The following ZRANB3 variants were observed in gnomAD, a reference collection of about 807,000 sequenced individuals.
The protein encoded by ZRANB3 is zinc finger RANBP2-type containing 3.
In ZRANB3, 125 loss-of-function variants were observed where a neutral mutation model predicts 133.8. The observed-to-expected ratio is 0.93, with a 90% CI of 0.81 to 1.08. The LOEUF (loss-of-function observed/expected upper bound fraction) is 1.08, where lower values mean the gene tolerates loss of function less well. Among genes scored for constraint, ZRANB3 ranks in the 50% least tolerant of loss-of-function variants. The probability of loss-of-function intolerance (pLI) is 0.00; values close to 1 mark genes in which losing one functional copy is unlikely to be tolerated. For synonymous variants in ZRANB3, 387 were observed against 432.7 expected (o/e 0.89, Z 1.31); for missense variants, 1,229 against 1,275.5 (o/e 0.96, Z 0.56).
chr2:135,381,346 G>T (rs554257415), intron 3 of ZRANB3, among the ~76,000 whole-genome samples: 27 of 152,158 alleles, frequency 1.8e-4, no homozygotes, highest in African/African-American at 5.6e-4. Context: ...TAAACAAAGC[G>T]GCCTGGAAGC....
intron 2 of ZRANB3, among the ~76,000 whole-genome samples, chr2:135,440,317 T>C (rs1382051597): frequency 1.3e-5 from 2 of 152,012 alleles, no homozygotes; most frequent in Non-Finnish European, 2.9e-5. Flanking sequence ...GAGAATCACT[T>C]GAACCCAGGA....
chr2:135,336,645 C>T (rs1684383493), intron 6 of ZRANB3, among the ~76,000 whole-genome samples: 1 of 152,106 alleles, frequency 6.6e-6, no homozygotes, highest in Admixed American at 6.5e-5. Context: ...GAAAACAGAA[C>T]ATGTCCTCCA....
At chr2:135,483,664 T>C (rs1178218881) in intron 2 of ZRANB3, among the ~76,000 whole-genome samples, 1 of 152,142 alleles carries the variant, frequency 6.6e-6, no homozygotes, top group Non-Finnish European at 1.5e-5. Flanking sequence ...CTTTTGAATG[T>C]GTTTGCTCTT....
At chr2:135,228,117 T>A in intron 13 of ZRANB3, 102 bp from the exon 14 acceptor site, 16 of 972,050 alleles carry the variant, frequency 1.6e-5, no homozygotes, top group Non-Finnish European at 2.2e-5. Context: ...GTGAATAATG[T>A]TTATTCATAT....
At chr2:135,207,226 G>A (rs1693907230) in intron 19 of ZRANB3, among the ~76,000 whole-genome samples, 1 of 151,218 alleles carries the variant, frequency 6.6e-6, no homozygotes, top group Non-Finnish European at 1.5e-5. Flanking sequence ...AAATATTCTA[G>A]GAGAAACAAA....
chr2:135,218,072 A>T (rs1201066035), intron 16 of ZRANB3, among the ~76,000 whole-genome samples: 1 of 152,118 alleles, frequency 6.6e-6, no homozygotes, highest in African/African-American at 2.4e-5. Context: ...CTCAGCCCCC[A>T]AAGTGTTGGC....
chr2:135,401,717 G>C (rs1308367299), intron 2 of ZRANB3, among the ~76,000 whole-genome samples: 1 of 152,152 alleles, frequency 6.6e-6, no homozygotes, highest in African/African-American at 2.4e-5. Flanking sequence ...TAGCTGCTTT[G>C]TGATCTACTA....
At chr2:135,452,898 T>G (rs974017085) in intron 2 of ZRANB3, among the ~76,000 whole-genome samples, 1 of 152,210 alleles carries the variant, frequency 6.6e-6, no homozygotes, top group Non-Finnish European at 1.5e-5. Context: ...GGCTCTCTTC[T>G]CACAGCTCCA....
intron 9 of ZRANB3, among the ~76,000 whole-genome samples, chr2:135,273,133 T>G (rs1459272493): frequency 1.4e-5 from 2 of 144,700 alleles, no homozygotes; most frequent in Admixed American, 1.4e-4. Flanking sequence ...TTGCAGCGAG[T>G]GGAGATCTAG....
chr2:135,414,714 C>T (rs984357677), intron 2 of ZRANB3, among the ~76,000 whole-genome samples: 2 of 152,128 alleles, frequency 1.3e-5, no homozygotes, highest in Non-Finnish European at 2.9e-5. Context: ...GTAAAGCTCT[C>T]CTCAGCAAAT....
intron 2 of ZRANB3, among the ~76,000 whole-genome samples, chr2:135,447,818 A>AT (rs1690089271): frequency 6.6e-6 from 1 of 152,116 alleles, no homozygotes; most frequent in African/African-American, 2.4e-5. Context: ...TCATGGGTTT[A>AT]TTTTTTATAC....
At chr2:135,449,204 A>G (rs1406671501) in intron 2 of ZRANB3, among the ~76,000 whole-genome samples, 2 of 152,246 alleles carry the variant, frequency 1.3e-5, no homozygotes, top group Non-Finnish European at 2.9e-5. Context: ...ATCAACTGAC[A>G]GACATGTGAC....
chr2:135,468,649 GA>G (rs1691110945), intron 2 of ZRANB3, among the ~76,000 whole-genome samples: 1 of 152,144 alleles, frequency 6.6e-6, no homozygotes, highest in Non-Finnish European at 1.5e-5. Context: ...ACAGTATTTA[GA>G]CCCTAAGTTG....
At chr2:135,292,438 G>C (rs1474333496) in intron 8 of ZRANB3, among the ~76,000 whole-genome samples, 1 of 152,058 alleles carries the variant, frequency 6.6e-6, no homozygotes, top group East Asian at 1.9e-4. Flanking sequence ...CTTTTTGATG[G>C]GGTTGTTTGT....
At chr2:135,300,429 A>G (rs1428142257) in intron 8 of ZRANB3, among the ~76,000 whole-genome samples, 2 of 152,190 alleles carry the variant, frequency 1.3e-5, no homozygotes, top group Non-Finnish European at 2.9e-5. Flanking sequence ...ATAATTTTTC[A>G]AATGATTCAT....
chr2:135,224,666 AAACTACC>A, intron 14 of ZRANB3, 149 bp from the exon 15 acceptor site: 1 of 518,544 alleles, frequency 1.9e-6, no homozygotes, highest in Admixed American at 3.6e-5. Context: ...GCTTGAAATA[AAACTACC>A]ACGGTAGGCC....
At position 135,237,046 on chromosome 2, in the gene ZRANB3, C is replaced by A. The variant is rs983102438; in HGVS notation, c.1540-6119G>T. The stretch of plus-strand genomic sequence containing the variant: ...AAATTTTTGCAATCTACTCATCTGA[C>A]AAAGGGCTAATATCCAGAATCTACA... On this transcript the variant is annotated intron_variant, in intron 12 of 20. Coordinates refer to ENST00000264159, the MANE Select transcript of ZRANB3 (RefSeq NM_032143.4). Among the ~76,000 whole-genome samples, 8 of 152,162 alleles carry A rather than the reference C, an allele frequency of 5.3e-5. No homozygotes were observed. In the East Asian group the frequency reaches 1.4e-3, roughly 26 times the overall value.
intron 2 of ZRANB3, among the ~76,000 whole-genome samples, chr2:135,437,287 G>C (rs890385745): frequency 3.3e-5 from 5 of 152,208 alleles, no homozygotes; most frequent in African/African-American, 1.2e-4. Context: ...ATAGCAATGA[G>C]AATGAAGTAT....
chr2:135,427,540 A>G (rs1010772006), intron 2 of ZRANB3, among the ~76,000 whole-genome samples: 1 of 152,178 alleles, frequency 6.6e-6, no homozygotes, highest in Non-Finnish European at 1.5e-5. Context: ...GAATGACAAA[A>G]CACTGCTCAA....
Sources: gnomAD v4.1 joint callset for allele counts (sites outside exome capture counted in the v4.1 genomes callset) on GRCh38, gnomAD v4.1.1 for gene constraint, MANE v1.5 for transcripts, NCBI Gene and HGNC (gene_info 2026-07-23, HGNC 2026-07-21) for gene names.